EPCIP: variants seen among roughly 807,000 people sequenced by gnomAD.
EPCIP encodes exosomal polycystin 1 interacting protein.
chr21:32,806,923 CA>C, the EPCIP span, among the ~76,000 whole-genome samples: 1 of 152,258 alleles, frequency 6.6e-6, no homozygotes, highest in Admixed American at 6.5e-5. Context: ...GCCTCACAAT[CA>C]TGGTGGAAAG....
chr21:32,802,841 G>A, the EPCIP span, among the ~76,000 whole-genome samples: 1 of 152,138 alleles, frequency 6.6e-6, no homozygotes, highest in Non-Finnish European at 1.5e-5. Context: ...GAGTGCAGTG[G>A]CGCGATCTCG....
chr21:32,813,103 C>A, the EPCIP span, among the ~76,000 whole-genome samples: 1 of 151,936 alleles, frequency 6.6e-6, no homozygotes, highest in African/African-American at 2.4e-5. Context: ...ACAGTATCAG[C>A]CGGTGTTTTG....
the EPCIP span, chr21:32,798,151 A>C: frequency 6.6e-6 from 1 of 152,238 alleles, no homozygotes; most frequent in African/African-American, 2.4e-5. Context: ...CCCAGCCAAC[A>C]TTGTGAGACA....
chr21:32,801,099 C>T, the EPCIP span, among the ~76,000 whole-genome samples: 3 of 152,156 alleles, frequency 2.0e-5, no homozygotes, highest in East Asian at 1.9e-4. Context: ...AAGGAACCGA[C>T]GGCCCTAGAA....
the EPCIP span, among the ~76,000 whole-genome samples, chr21:32,796,701 C>A: frequency 1.3e-5 from 2 of 152,110 alleles, no homozygotes; most frequent in East Asian, 1.9e-4. Context: ...GTGTCTACCC[C>A]CTTAGTGAGG....
chr21:32,793,980 T>C, the EPCIP span: 21 of 1,614,210 alleles, frequency 1.3e-5, no homozygotes, highest in African/African-American at 2.7e-4. Context: ...CTGGAGTCAC[T>C]GTCCCCACCG....
chr21:32,794,436 G>T, the EPCIP span: 1 of 1,602,500 alleles, frequency 6.2e-7, no homozygotes, highest in Non-Finnish European at 8.5e-7. Flanking sequence ...GCCCAGCATG[G>T]GCCAGCGTGT....
At chr21:32,794,952 A>C in the EPCIP span, among the ~76,000 whole-genome samples, 3 of 152,302 alleles carry the variant, frequency 2.0e-5, no homozygotes, top group Admixed American at 6.5e-5. Flanking sequence ...GGAGACAAAC[A>C]CTTCTTTGTT....
At chr21:32,801,077 GA>G in the EPCIP span, among the ~76,000 whole-genome samples, 1 of 152,160 alleles carries the variant, frequency 6.6e-6, no homozygotes, top group Admixed American at 6.5e-5. Context: ...GAATATGGTG[GA>G]AGATTCCACG....
chr21:32,796,979 G>C, the EPCIP span: 1 of 461,092 alleles, frequency 2.2e-6, no homozygotes, highest in Non-Finnish European at 4.5e-6. Flanking sequence ...GAGGAAAAGA[G>C]ATCAGAAGAG....
the EPCIP span, among the ~76,000 whole-genome samples, chr21:32,809,323 T>TC: frequency 1.4e-4 from 21 of 146,520 alleles, no homozygotes; most frequent in African/African-American, 4.6e-4. Context: ...TTTCTTTCTT[T>TC]CTTTCTTTCT....
the EPCIP span, among the ~76,000 whole-genome samples, chr21:32,801,320 C>T: frequency 3.3e-5 from 5 of 152,178 alleles, no homozygotes; most frequent in Non-Finnish European, 7.3e-5. Context: ...TGCTTTGCAA[C>T]TTAGGATTTT....
At chr21:32,792,231 T>C in the EPCIP span, among the ~76,000 whole-genome samples, 3 of 152,362 alleles carry the variant, frequency 2.0e-5, no homozygotes, top group African/African-American at 7.2e-5. Context: ...ATTTTCTTTG[T>C]ACAATAATGA....
chr21:32,794,815 C>A, the EPCIP span, among the ~76,000 whole-genome samples: 1 of 152,214 alleles, frequency 6.6e-6, no homozygotes, highest in African/African-American at 2.4e-5. Flanking sequence ...CGCATCCTAT[C>A]TATGGGCAGG....
At chr21:32,798,355 G>A in the EPCIP span, 1 of 152,280 alleles carries the variant, frequency 6.6e-6, no homozygotes, top group East Asian at 1.9e-4. Context: ...CAAGGTGTGT[G>A]AGCACACTCA....
At chr21:32,810,012 C>T in the EPCIP span, among the ~76,000 whole-genome samples, 1 of 152,144 alleles carries the variant, frequency 6.6e-6, no homozygotes, top group African/African-American at 2.4e-5. Flanking sequence ...TTGCTGTAAT[C>T]ATTCTATTGC....
chr21:32,796,997 T>C, the EPCIP span: 1 of 390,728 alleles, frequency 2.6e-6, no homozygotes, highest in Non-Finnish European at 5.3e-6. Context: ...GAGAAAAGGA[T>C]ATTGGTTTGC....
At chr21:32,800,329 G>A in the EPCIP span, among the ~76,000 whole-genome samples, 1 of 152,210 alleles carries the variant, frequency 6.6e-6, no homozygotes, top group East Asian at 1.9e-4. Context: ...AGTAACTGAT[G>A]TCTGTATCTC....
chr21:32,810,720 A>G, the EPCIP span: 2 of 469,442 alleles, frequency 4.3e-6, no homozygotes, highest in Non-Finnish European at 4.4e-6. Flanking sequence ...TCCTGACTGC[A>G]TCATGCTCAC....
Sources: gnomAD v4.1 joint callset for allele counts (sites outside exome capture counted in the v4.1 genomes callset) on GRCh38, gnomAD v4.1.1 for gene constraint, MANE v1.5 for transcripts, NCBI Gene and HGNC (gene_info 2026-07-23, HGNC 2026-07-21) for gene names.